ITSN2: variants seen among roughly 807,000 people sequenced by gnomAD.
ITSN2 encodes intersectin 2.
Under a neutral mutation model 243.7 loss-of-function variants are expected in ITSN2, and 156 were observed. The observed-to-expected ratio is 0.64, with a 90% confidence interval of 0.56 to 0.73. The LOEUF (loss-of-function observed/expected upper bound fraction) is 0.73, where lower values mean the gene tolerates loss of function less well. ITSN2 is among the 30% of genes least tolerant of loss of function. The pLI is 0.00. For synonymous variants in ITSN2, 703 were observed against 699.9 expected (o/e 1.00, Z -0.07); for missense variants, 1,801 against 1,996.1 (o/e 0.90, Z 1.86).
At chr2:24,250,806 G>A (rs1673986326) in intron 25 of ITSN2, among the ~76,000 whole-genome samples, 1 of 152,038 alleles carries the variant, frequency 6.6e-6, no homozygotes, top group African/African-American at 2.4e-5. Context: ...GTATGTGTGA[G>A]GATGAATTTT....
rs145280374 is a variant in ITSN2, at chr2:24,312,366, T to C, written c.198A>G (p.Ser66=). 1.4e-5 allele frequency: 23 copies of C among 1,607,970 alleles called. No homozygotes were observed. The African/African-American group carries it at 3.1e-4, about 22-fold the overall frequency. The change falls in exon 5 of 40, where the codon TCA becomes TCG. Residue 66 remains serine, a synonymous_variant. Coordinates refer to ENST00000355123, the MANE Select transcript of ITSN2 (RefSeq NM_006277.3). ...CCATCTTCCCATCCTTGTTTAGGTCTGATAAAGCCCTAAAAGGAGCATGAG... is the reference window on the plus strand; with the variant it reads ...CCATCTTCCCATCCTTGTTTAGGTCCGATAAAGCCCTAAAAGGAGCATGAG... ...APVLAEIWAL[S]DLNKDGKMDQ...
At chr2:24,286,188 A>G in intron 16 of ITSN2, 24 bp downstream of exon 16, 3 of 1,444,692 alleles carry the variant, frequency 2.1e-6, no homozygotes, top group Non-Finnish European at 2.8e-6. Flanking sequence ...TTACCTAAAA[A>G]TAAATAGTAT....
chr2:24,298,366 C>A (rs536029383), intron 13 of ITSN2, among the ~76,000 whole-genome samples: 1 of 152,236 alleles, frequency 6.6e-6, no homozygotes, highest in South Asian at 2.1e-4. Flanking sequence ...CTATATTGGC[C>A]AGGCTGGTCT....
rs936268553 is a variant in ITSN2, at chr2:24,259,526, G to A, written c.2683-1433C>T. Among the ~76,000 whole-genome samples, 11 of 152,258 alleles carry A rather than the reference G, an allele frequency of 7.2e-5. No individual in the cohort carries two copies. In the South Asian group the frequency reaches 1.7e-3, roughly 23 times the overall value. On this transcript the variant is annotated intron_variant, in intron 22 of 39. Transcript: ENST00000355123. ...TTTCCACTACCAAGTTGCCTAGCAC[G>A]GTATTAAATGCTTCCCAAATAAACC...
intron 29 of ITSN2, among the ~76,000 whole-genome samples, chr2:24,226,557 G>C (rs551032106): frequency 1.3e-5 from 2 of 152,194 alleles, no homozygotes; most frequent in African/African-American, 4.8e-5. Flanking sequence ...TTGGGAGGCC[G>C]AGGTGGGCAG....
At chr2:24,279,713 A>C (rs1391197718) in intron 17 of ITSN2, among the ~76,000 whole-genome samples, 2 of 141,396 alleles carry the variant, frequency 1.4e-5, no homozygotes, top group East Asian at 4.3e-4. Context: ...ACTGCTAAAG[A>C]TGTGTGAATT....
At position 24,211,583 on chromosome 2, in the gene ITSN2, C is replaced by T. The variant is rs75327036; in HGVS notation, c.4090-636G>A. On this transcript the variant is annotated intron_variant, in intron 33 of 39. Transcript: ENST00000355123. This position sits in a 1 kb window ranked among gnomAD's most constrained non-coding sequence, Gnocchi z 4.1. ...CATCACCAGATGCCCCGTCTGGACT[C>T]TCTCACTCTAGTCAGATGAGTGCAC... Among the ~76,000 whole-genome samples, 5,296 of 152,304 alleles carry T rather than the reference C, an allele frequency of 0.035. 120 individuals carry two copies. The highest frequency in any genetic ancestry group is 0.055 in the Non-Finnish European group (3,733 of 68,030).
intron 1 of ITSN2, among the ~76,000 whole-genome samples, chr2:24,336,063 A>G (rs1356005627): frequency 6.6e-6 from 1 of 151,218 alleles, no homozygotes; most frequent in African/African-American, 2.4e-5. Context: ...AACATGGTGG[A>G]ACCCCGTCTC....
rs768290591 is a variant in ITSN2, at chr2:24,261,092, AAC to A, written c.2682+12_2682+13del. The A allele has an allele frequency of 5.6e-6, 9 of 1,601,426 alleles. No individual in the cohort carries two copies. In the African/African-American group the frequency reaches 9.4e-5, roughly 17 times the overall value. On this transcript the variant is annotated intron_variant, in intron 22 of 39. Transcript: ENST00000355123. ...TTCAAAGAATAAAGCCCACAAAAATAACAGACAACATACCTGTCCATGAATAG... is the reference window on the plus strand; with the variant it reads ...TTCAAAGAATAAAGCCCACAAAAATAAGACAACATACCTGTCCATGAATAG...
chr2:24,295,142 C>T (rs990983970), intron 14 of ITSN2, among the ~76,000 whole-genome samples: 2 of 152,164 alleles, frequency 1.3e-5, no homozygotes, highest in African/African-American at 2.4e-5. Context: ...TAAATGTCCA[C>T]TTACGTATAT....
chr2:24,256,209 G>A (rs1052378170), intron 23 of ITSN2, among the ~76,000 whole-genome samples: 1 of 152,246 alleles, frequency 6.6e-6, no homozygotes, highest in Admixed American at 6.5e-5. Flanking sequence ...GGCCGAAAGA[G>A]CGAGACTCCA....
chr2:24,217,855 A>G, intron 31 of ITSN2, 52 bp downstream of exon 31: 1 of 1,262,794 alleles, frequency 7.9e-7, no homozygotes. Flanking sequence ...TGTGAGTCTC[A>G]GTCTGGGGGC....
intron 20 of ITSN2, among the ~76,000 whole-genome samples, chr2:24,268,867 C>T (rs115721921): frequency 0.027 from 4,151 of 152,094 alleles, 93 homozygotes; most frequent in South Asian, 0.046. Context: ...TTCACTGTCT[C>T]CTCTTCCTCT....
At chr2:24,311,555 T>C (rs1276813012) in intron 5 of ITSN2, 2 of 167,214 alleles carry the variant, frequency 1.2e-5, no homozygotes, top group Admixed American at 1.3e-4. Flanking sequence ...TCTAGAATTC[T>C]ATATTCTAAG....
chr2:24,304,192 C>T (rs1305037592), intron 8 of ITSN2, among the ~76,000 whole-genome samples: 1 of 152,196 alleles, frequency 6.6e-6, no homozygotes, highest in Non-Finnish European at 1.5e-5. Flanking sequence ...CCCTCTTGTA[C>T]TCCCAGCAGG....
chr2:24,328,156 G>A, intron 1 of ITSN2, 41 bp from the exon 2 acceptor site: 1 of 1,479,296 alleles, frequency 6.8e-7, no homozygotes, highest in African/African-American at 1.4e-5. Flanking sequence ...ATACAACAAG[G>A]GCAAATCACA....
In ITSN2 at chr2:24,310,496, A is replaced by C. The variant is rs1373135757; in HGVS notation, c.549T>G (p.Ser183=). 3 of 1,614,042 alleles carry C rather than the reference A, an allele frequency of 1.9e-6. No homozygotes were observed. Residue 183 remains serine (S), a synonymous_variant, in exon 6 of 40, where the codon TCT becomes TCG. Transcript: ENST00000355123. ...SLIQPLPIPY[S]SSTLPHGSSY... ...TAGAAACAAAGTACTCACTTGAAGA[A>C]GAATAAGGAATGGGTAAAGGCTGAA...
chr2:24,272,590 C>T (rs1677506494), intron 18 of ITSN2, among the ~76,000 whole-genome samples: 1 of 152,018 alleles, frequency 6.6e-6, no homozygotes. Flanking sequence ...TGCCACTATA[C>T]CTAGCCAACT....
chr2:24,305,633 A>G (rs977391921), intron 8 of ITSN2, among the ~76,000 whole-genome samples: 3 of 151,944 alleles, frequency 2.0e-5, no homozygotes, highest in Non-Finnish European at 4.4e-5. Flanking sequence ...ATTGAACAAA[A>G]CAAACATATA....
Sources: allele counts gnomAD v4.1 joint callset (sites outside exome capture counted in the v4.1 genomes callset), GRCh38; gene constraint gnomAD v4.1.1; non-coding constraint Gnocchi (gnomAD v3.1); transcripts MANE v1.5; gene names NCBI Gene and HGNC (gene_info 2026-07-23, HGNC 2026-07-21).